RAD51B: variants seen among roughly 807,000 people sequenced by gnomAD.
The protein encoded by RAD51B is RAD51 paralog B.
RAD51B carries 38 observed loss-of-function variants against 42.2 expected under a neutral mutation model. The ratio of observed to expected loss-of-function variants is 0.90; its 90% confidence interval spans 0.70 to 1.18. The LOEUF (loss-of-function observed/expected upper bound fraction) is 1.18, where lower values mean the gene tolerates loss of function less well. Ranked by LOEUF, RAD51B falls within the 50% of genes most tolerant of loss-of-function variation. The pLI, the probability that RAD51B is intolerant of heterozygous loss-of-function variation, is 0.00. For synonymous variants in RAD51B, 154 were observed against 145.2 expected, an observed-to-expected ratio of 1.06 and a Z score of -0.43; for missense variants, 373 against 400.7, an observed-to-expected ratio of 0.93 and a Z score of 0.59.
chr14:68,522,016 C>T (rs190679146), intron 10 of RAD51B, among the ~76,000 whole-genome samples: 84 of 152,310 alleles, frequency 5.5e-4, no homozygotes, highest in South Asian at 2.5e-3. Flanking sequence ...GAGGCTGTGG[C>T]TGGATGAGAG....
At chr14:67,928,623 T>C (rs1419109401) in intron 7 of RAD51B, among the ~76,000 whole-genome samples, 2 of 152,094 alleles carry the variant, frequency 1.3e-5, no homozygotes, top group African/African-American at 4.8e-5. Flanking sequence ...CACTTGGTAC[T>C]TGTGGTGACA....
chr14:68,091,839 A>G (rs2077105235), intron 7 of RAD51B, among the ~76,000 whole-genome samples: 1 of 152,166 alleles, frequency 6.6e-6, no homozygotes, highest in Admixed American at 6.5e-5. Context: ...TAGGTCTAAC[A>G]TGTAAGTCTT....
chr14:68,534,059 C>A (rs1043201212), intron 10 of RAD51B, among the ~76,000 whole-genome samples: 2 of 152,132 alleles, frequency 1.3e-5, no homozygotes, highest in African/African-American at 4.8e-5. Flanking sequence ...ACAATAAAAA[C>A]AGACAAGCAA....
At chr14:68,399,255 T>TG in intron 8 of RAD51B, among the ~76,000 whole-genome samples, 2 of 138,626 alleles carry the variant, frequency 1.4e-5, no homozygotes, top group African/African-American at 5.5e-5. Context: ...TGATTTTTTT[T>TG]TGTGTTTTTT....
intron 7 of RAD51B, among the ~76,000 whole-genome samples, chr14:68,234,701 G>A (rs1363422992): frequency 1.3e-5 from 2 of 152,190 alleles, no homozygotes; most frequent in Non-Finnish European, 2.9e-5. Context: ...CATGAATGGA[G>A]CTTGCAGGAC....
At chr14:68,226,144 A>G (rs1343568108) in intron 7 of RAD51B, among the ~76,000 whole-genome samples, 4 of 152,228 alleles carry the variant, frequency 2.6e-5, no homozygotes, top group Non-Finnish European at 5.9e-5. Context: ...CTGAGAGGCA[A>G]GGGAACTTGA....
At chr14:68,004,703 A>G (rs1391613394) in intron 7 of RAD51B, among the ~76,000 whole-genome samples, 1 of 152,172 alleles carries the variant, frequency 6.6e-6, no homozygotes, top group Non-Finnish European at 1.5e-5. Context: ...CAGAATCCAG[A>G]TGAAGAAACA....
At chr14:68,604,247 A>G (rs1249411293) in intron 10 of RAD51B, among the ~76,000 whole-genome samples, 1 of 151,714 alleles carries the variant, frequency 6.6e-6, no homozygotes, top group Non-Finnish European at 1.5e-5. Flanking sequence ...CCAGGCTGAA[A>G]CTCCGAGAAA....
chr14:68,471,305 G>C (rs1027945906), intron 10 of RAD51B, among the ~76,000 whole-genome samples: 1 of 152,164 alleles, frequency 6.6e-6, no homozygotes, highest in Non-Finnish European at 1.5e-5. Flanking sequence ...TGGGGGTAGG[G>C]AATGATCCCT....
intron 7 of RAD51B, among the ~76,000 whole-genome samples, chr14:68,073,952 T>C (rs1251208102): frequency 1.3e-5 from 2 of 152,202 alleles, no homozygotes; most frequent in African/African-American, 4.8e-5. Context: ...TAGGTGCCTT[T>C]AATATTTTTT....
chr14:68,136,575 CAAA>C (rs1204817902), intron 7 of RAD51B, among the ~76,000 whole-genome samples: 5 of 4,448 alleles, frequency 1.1e-3, no homozygotes, highest in African/African-American at 1.8e-3. Flanking sequence ...GACTCCATCT[CAAA>C]AAAAAAAAAA....
chr14:68,142,735 C>A (rs1298079674), intron 7 of RAD51B, among the ~76,000 whole-genome samples: 1 of 152,024 alleles, frequency 6.6e-6, no homozygotes, highest in Admixed American at 6.6e-5. Context: ...GTTTTTAATG[C>A]CATGTGTTTT....
intron 7 of RAD51B, among the ~76,000 whole-genome samples, chr14:68,061,414 G>A (rs1001849488): frequency 2.6e-5 from 4 of 152,050 alleles, no homozygotes; most frequent in Non-Finnish European, 5.9e-5. Context: ...GATTGTTTTT[G>A]TCTAATTTTG....
At chr14:68,397,278 A>G (rs1303791187) in intron 8 of RAD51B, among the ~76,000 whole-genome samples, 1 of 152,200 alleles carries the variant, frequency 6.6e-6, no homozygotes, top group Non-Finnish European at 1.5e-5. Context: ...TTCGAGGAAG[A>G]AGGAAATTGG....
chr14:68,551,411 T>G (rs111872976), intron 10 of RAD51B, among the ~76,000 whole-genome samples: 3,413 of 152,302 alleles, frequency 0.022, 58 homozygotes, highest in South Asian at 0.035. Flanking sequence ...TGCCTGGCTG[T>G]GATAAGCATG....
chr14:68,254,597 A>G lies in RAD51B; in HGVS notation c.757-37287A>G, dbSNP rs953991020. The stretch of plus-strand genomic sequence containing the variant: ...ACAATATTGTAGTTGATCCACCACT[A>G]GATTTTGCCATTAATGCATTAAGAA... On this transcript the variant is annotated intron_variant, in intron 7 of 10. Transcript: ENST00000471583. Among the ~76,000 whole-genome samples the G allele has an allele frequency of 1.3e-4, 20 of 152,332 alleles. 1 individual carries two copies. Among genetic ancestry groups the G allele is most frequent in the African/African-American group, 3.8e-4 (16 of 41,578 alleles).
chr14:67,937,971 C>G (rs1218088565), intron 7 of RAD51B, among the ~76,000 whole-genome samples: 1 of 151,946 alleles, frequency 6.6e-6, no homozygotes, highest in Non-Finnish European at 1.5e-5. Flanking sequence ...TCTACCTTCT[C>G]AAGGTTTTTC....
intron 7 of RAD51B, among the ~76,000 whole-genome samples, chr14:68,174,547 A>G (rs573445003): frequency 1.3e-5 from 2 of 152,346 alleles, no homozygotes; most frequent in African/African-American, 4.8e-5. Flanking sequence ...TTTAAAAAGT[A>G]TATGACTGTA....
intron 10 of RAD51B, chr14:68,540,530 C>T (rs1887906074): frequency 1.0e-6 from 1 of 985,296 alleles, no homozygotes; most frequent in Non-Finnish European, 1.2e-6. Context: ...ACATGTACTA[C>T]TAGTGGGATC....
Sources: allele counts gnomAD v4.1 joint callset (sites outside exome capture counted in the v4.1 genomes callset), GRCh38; gene constraint gnomAD v4.1.1; transcripts MANE v1.5; gene names NCBI Gene and HGNC (gene_info 2026-07-23, HGNC 2026-07-21).